GRIK1: variants seen among roughly 807,000 people sequenced by gnomAD.
GRIK1 encodes glutamate receptor ionotropic, kainate 1.
Under a neutral mutation model 105.7 loss-of-function variants are expected in GRIK1, and 69 were observed. That is an observed-to-expected ratio of 0.65 (90% CI 0.54 to 0.80). The LOEUF (loss-of-function observed/expected upper bound fraction) is 0.80, where lower values mean the gene tolerates loss of function less well. Among genes scored for constraint, GRIK1 ranks in the 30% least tolerant of loss-of-function variants. The probability of loss-of-function intolerance (pLI) is 0.00; values close to 1 mark genes in which losing one functional copy is unlikely to be tolerated. For synonymous variants in GRIK1, 438 were observed against 431.3 expected (o/e 1.02, Z -0.19); for missense variants, 1,109 against 1,167.3 (o/e 0.95, Z 0.73).
intron 1 of GRIK1, among the ~76,000 whole-genome samples, chr21:29,730,140 T>G (rs1246009418): frequency 6.6e-6 from 1 of 152,198 alleles, no homozygotes; most frequent in African/African-American, 2.4e-5. Flanking sequence ...AATCCCTAGT[T>G]GGCCAGTCCG....
Position 29,939,655 on chromosome 21 carries a change from G to T in GRIK1, c.-155C>A. On this transcript the variant is annotated 5_prime_UTR_variant, in exon 1 of 18. Coordinates refer to ENST00000327783, the MANE Select transcript of GRIK1 (RefSeq NM_001330994.2). ...ACGGAGCGAGCTCGAGGGAACCCGC[G>T]TGGGACCGCGGAGCTGGCTGGCAAG... 1.9e-6 allele frequency: 1 copy of T among 536,430 alleles called. No homozygotes were observed. The highest frequency in any genetic ancestry group is 3.5e-5 in the East Asian group (1 of 28,962). 33.2% of individuals were successfully genotyped at this position (536,430 alleles called of 1,614,324 possible). A position where few individuals can be genotyped will look rare whatever the true frequency, so the allele number is the denominator to read the frequency against.
intron 1 of GRIK1, among the ~76,000 whole-genome samples, chr21:29,891,203 G>A (rs2069884525): frequency 6.6e-6 from 1 of 152,102 alleles, no homozygotes; most frequent in South Asian, 2.1e-4. Context: ...CATCCCTTGT[G>A]TGGAAAAGCC....
At chr21:29,768,622 G>C (rs533618260) in intron 1 of GRIK1, among the ~76,000 whole-genome samples, 1 of 152,172 alleles carries the variant, frequency 6.6e-6, no homozygotes, top group Non-Finnish European at 1.5e-5. Context: ...TCCGCCTCTG[G>C]GTTGCATGGG....
At chr21:29,801,696 T>C (rs575609207) in intron 1 of GRIK1, among the ~76,000 whole-genome samples, 1 of 152,312 alleles carries the variant, frequency 6.6e-6, no homozygotes, top group African/African-American at 2.4e-5. Flanking sequence ...TATTGAAAAC[T>C]ATATGTATAT....
intron 7 of GRIK1, among the ~76,000 whole-genome samples, chr21:29,600,239 C>T (rs1273592533): frequency 1.3e-5 from 2 of 152,168 alleles, no homozygotes; most frequent in African/African-American, 2.4e-5. Context: ...TATAAATTAA[C>T]ATTTACAGGT....
intron 1 of GRIK1, among the ~76,000 whole-genome samples, chr21:29,846,585 T>C (rs2068133197): frequency 6.6e-6 from 1 of 152,140 alleles, no homozygotes; most frequent in South Asian, 2.1e-4. Context: ...AGGACATCCA[T>C]ATTGTTTTTC....
rs750920755 is a variant in GRIK1 at position 29,537,233 on chromosome 21, C to T, written c.2847G>A (p.Ala949=). The change falls in exon 18 of 18, where the codon GCG becomes GCA. Residue 949 remains alanine, a synonymous_variant. Coordinates refer to ENST00000327783, the MANE Select transcript of GRIK1 (RefSeq NM_001330994.2). ...QRRTQRKETV[A] is the part of the protein sequence containing the mutation. ...TTCCTACAGGCGTTTCCTTGGATCA[C>T]GCCACAGTCTCTTTTCTCTGAGTTC... 1.9e-5 allele frequency: 31 copies of T among 1,597,954 alleles called. No individual in the cohort carries two copies. Among genetic ancestry groups the T allele is most frequent in the Middle Eastern group, 1.7e-4 (1 of 5,974 alleles).
In GRIK1 at chr21:29,846,451, A is replaced by G. The variant is rs201268706; in HGVS notation, c.118+92932T>C. ...AAATAAAGAAGGAAAGAAGGAAAGA[A>G]GGAAAGAGAGAGAGAAAGAAAGAAA... On this transcript the variant is annotated intron_variant, in intron 1 of 17. Coordinates refer to ENST00000327783, the MANE Select transcript of GRIK1 (RefSeq NM_001330994.2). 5.8e-3 allele frequency among the ~76,000 whole-genome samples: 473 copies of G among 80,884 alleles called. 4 individuals carry two copies. Among genetic ancestry groups the G allele is most frequent in the Non-Finnish European group, 7.1e-3 (309 of 43,328 alleles). 53.1% of individuals were successfully genotyped at this position (80,884 alleles called of 152,430 possible).
At position 29,560,505 on chromosome 21, in the gene GRIK1, TTCCTTCCTTC is replaced by T. The variant is rs1568815190; in HGVS notation, c.2356+1109_2356+1118del. 1.5e-3 allele frequency among the ~76,000 whole-genome samples: 33 copies of T among 21,930 alleles called. 3 individuals carry two copies. Among genetic ancestry groups the T allele is most frequent in the African/African-American group, 5.4e-3 (22 of 4,038 alleles). 14.4% of individuals were successfully genotyped at this position (21,930 alleles called of 152,430 possible). On this transcript the variant is annotated intron_variant, in intron 15 of 17. Transcript: ENST00000327783. ...TCCCTTTCTTTCTTTCTTTCCTTCC[TTCCTTCCTTC>T]CTTCCTTTCTTTCTTTCTTTCTTTC...
chr21:29,587,491 G>C lies in GRIK1; in HGVS notation c.1668C>G (p.Leu556=). The C allele has an allele frequency of 6.2e-7, 1 of 1,612,800 alleles. No individual in the cohort carries two copies. The highest frequency in any genetic ancestry group is 8.5e-7 in the Non-Finnish European group (1 of 1,178,796). The change falls in exon 12 of 18, where the codon CTC becomes CTG. Residue 556 remains leucine, a synonymous_variant. Transcript: ENST00000327783. ...GATTGGTACCATTGGGCTTCCGGTA[G>C]AGAATGCTGATGCCTAGGGTCATGA... is the stretch of plus-strand genomic sequence containing the variant. ...KPFMTLGISI[L]YRKPNGTNPG... is the part of the protein sequence containing the mutation.
Position 29,693,958 on chromosome 21 carries a change from G to T in GRIK1, c.224C>A (p.Thr75Asn). The T allele has an allele frequency of 1.9e-6, 3 of 1,612,718 alleles. No homozygotes were observed. The highest frequency in any genetic ancestry group is 3.3e-5 in the Admixed American group (2 of 60,014). ...INRNRTLMPN[T>N]TLTYDIQRIN... is the part of the protein sequence containing the mutation. ...TCTCTGGATGTCATAGGTTAATGTG[G>T]TGTTAGGCATCAGGGTTCGGTTTCT... The change falls in exon 2 of 18, where the codon ACC becomes AAC. Residue 75 changes from threonine (T) to asparagine (N), a missense_variant. By Grantham distance (65) the Thr-to-Asn change is moderately conservative. Around this residue, in one of 5 missense-constraint regions of GRIK1, gnomAD observed 612 missense variants for 586.0 expected, o/e 1.04. Coordinates refer to ENST00000327783, the MANE Select transcript of GRIK1 (RefSeq NM_001330994.2).
At chr21:29,598,636 C>T (rs939533498) in intron 8 of GRIK1, among the ~76,000 whole-genome samples, 194 bp downstream of exon 8, 3 of 152,100 alleles carry the variant, frequency 2.0e-5, no homozygotes, top group Non-Finnish European at 4.4e-5. Context: ...ACTGCTATTA[C>T]TAAGACATGA....
intron 1 of GRIK1, among the ~76,000 whole-genome samples, chr21:29,793,786 T>A (rs911039061): frequency 6.6e-6 from 1 of 152,214 alleles, no homozygotes; most frequent in African/African-American, 2.4e-5. Flanking sequence ...AAAATTTTGC[T>A]TATAGCGGTG....
At chr21:29,693,396 C>T (rs1170795651) in intron 2 of GRIK1, among the ~76,000 whole-genome samples, 2 of 152,144 alleles carry the variant, frequency 1.3e-5, no homozygotes, top group Admixed American at 1.3e-4. Context: ...ATTGCTCTCA[C>T]AGGTTTAATC....
At chr21:29,560,283 C>T (rs544294392) in intron 15 of GRIK1, among the ~76,000 whole-genome samples, 635 of 40,044 alleles carry the variant, frequency 0.016, 12 homozygotes, top group African/African-American at 0.063. Context: ...ATACAGTTTT[C>T]TTTCTTTCTT....
At chr21:29,780,434 T>C (rs765230773) in intron 1 of GRIK1, among the ~76,000 whole-genome samples, 1 of 152,216 alleles carries the variant, frequency 6.6e-6, no homozygotes, top group Admixed American at 6.5e-5. Flanking sequence ...GGAAGGCATA[T>C]ATATTCTGAA....
At chr21:29,772,738 G>A (rs2065843812) in intron 1 of GRIK1, among the ~76,000 whole-genome samples, 2 of 152,166 alleles carry the variant, frequency 1.3e-5, no homozygotes, top group African/African-American at 2.4e-5. Flanking sequence ...ATTGTGCAAA[G>A]AGCCATCAAC....
intron 1 of GRIK1, among the ~76,000 whole-genome samples, chr21:29,909,085 T>C (rs1057005160): frequency 2.0e-5 from 3 of 152,150 alleles, no homozygotes; most frequent in Non-Finnish European, 2.9e-5. Context: ...TTACACATTG[T>C]ATGCCCATTT....
At chr21:29,823,635 G>C (rs2145933159) in intron 1 of GRIK1, among the ~76,000 whole-genome samples, 1 of 151,900 alleles carries the variant, frequency 6.6e-6, no homozygotes, top group Admixed American at 6.6e-5. Flanking sequence ...ACTTGACCAA[G>C]GAGTACTCTT....
Sources: allele counts gnomAD v4.1 joint callset (sites outside exome capture counted in the v4.1 genomes callset), GRCh38; gene constraint gnomAD v4.1.1; regional missense constraint gnomAD v4.1.1; transcripts MANE v1.5; gene names NCBI Gene and HGNC (gene_info 2026-07-23, HGNC 2026-07-21).